The following NRDE2 variants were observed in gnomAD, a reference collection of about 807,000 sequenced individuals.
The protein encoded by NRDE2 is nuclear exosome regulator NRDE2.
A neutral mutation model predicts 124.2 loss-of-function variants in NRDE2; 76 were observed. The ratio of observed to expected loss-of-function variants is 0.61; its 90% CI spans 0.51 to 0.74. The LOEUF (loss-of-function observed/expected upper bound fraction) is 0.74, where lower values mean the gene tolerates loss of function less well. NRDE2 is among the 30% of genes least tolerant of loss of function. NRDE2 has a pLI of 0.00. For missense variants in NRDE2, 1,314 were observed against 1,417.3 expected, an observed-to-expected ratio of 0.93 and a Z score of 1.17; for synonymous variants, 489 against 528.1, an observed-to-expected ratio of 0.93 and a Z score of 1.01.
rs778465509 is a variant in NRDE2 at position 90,298,286 on chromosome 14, C to T, written c.1640G>A (p.Arg547Gln). Reference sequence around the variant, plus strand: ...TGGGTTGATGACCACCCAGCCACCTCGTTCCTGCTGGTGCATCCACGCCTT... The same window carrying T: ...TGGGTTGATGACCACCCAGCCACCTTGTTCCTGCTGGTGCATCCACGCCTT... ...GWKAWMHQQE[R>Q]GGWVVINPDE... Residue 547 changes from arginine (R) to glutamine (Q), a missense_variant, in exon 8 of 14, where the codon CGA becomes CAA. By Grantham distance (43) the Arg-to-Gln change is conservative. Transcript: ENST00000354366. 9.9e-6 allele frequency: 16 copies of T among 1,613,562 alleles called. No individual in the cohort carries two copies. Among genetic ancestry groups the T allele is most frequent in the African/African-American group, 1.3e-5 (1 of 74,930 alleles).
Position 90,288,425 on chromosome 14 carries a change from G to A in NRDE2, c.2950C>T (p.Arg984Ter), listed in dbSNP as rs772529398. The change falls in exon 11 of 14, where the codon CGA becomes TGA. Residue 984 changes from arginine to a stop codon, truncating the protein, a stop_gained. Transcript: ENST00000354366. LOFTEE classifies it high-confidence loss of function. ...TTTAAAGCCTGTGAGAGTGCCTCTC[G>A]CAGAGGGGCCAGCGGGTAAACACTC... is the stretch of plus-strand genomic sequence containing the variant. ...KVSVYPLAPL[R>*]EALSQALKLY... is the part of the protein sequence containing the mutation. 1.2e-6 allele frequency: 2 copies of A among 1,614,118 alleles called. No individual in the cohort carries two copies. Among genetic ancestry groups the A allele is most frequent in the East Asian group, 2.2e-5 (1 of 44,860 alleles).
Position 90,278,461 on chromosome 14 carries a change from C to T in NRDE2, c.3370G>A (p.Val1124Met). The part of the protein sequence containing the change: ...KALQNCPWAK[V>M]LYLDAVEYFP... Reference sequence around the variant, plus strand: ...TACTCCACGGCGTCCAGGTACAACACCTAGGGGGCAGGCAGGAAGGCCGCC... The same window carrying T: ...TACTCCACGGCGTCCAGGTACAACATCTAGGGGGCAGGCAGGAAGGCCGCC... Residue 1124 changes from valine to methionine, a missense_variant and splice_region_variant, in exon 14 of 14, where the codon GTG (valine) becomes ATG (methionine). Physicochemically the swap from Val to Met is conservative, Grantham distance 21. Transcript: ENST00000354366. 6.2e-7 allele frequency: 1 copy of T among 1,613,996 alleles called. No individual in the cohort carries two copies. The highest frequency in any genetic ancestry group is 8.5e-7 in the Non-Finnish European group (1 of 1,179,898).
At chr14:90,306,027 G>A (rs1884586845) in intron 4 of NRDE2, among the ~76,000 whole-genome samples, 3 of 152,206 alleles carry the variant, frequency 2.0e-5, no homozygotes, top group African/African-American at 7.2e-5. Context: ...TGGGCTGATG[G>A]ATGGACACAT....
intron 1 of NRDE2, among the ~76,000 whole-genome samples, chr14:90,322,814 C>T (rs888500254): frequency 4.6e-5 from 7 of 152,124 alleles, no homozygotes; most frequent in African/African-American, 1.7e-4. Context: ...TGAAAAGATG[C>T]TTTATTAATC....
intron 4 of NRDE2, among the ~76,000 whole-genome samples, chr14:90,310,179 T>C (rs753803706): frequency 2.6e-5 from 4 of 152,168 alleles, no homozygotes; most frequent in Non-Finnish European, 5.9e-5. Context: ...TGCTAGTAAA[T>C]GGCAAAGTCA....
chr14:90,325,459 G>T (rs1487962319), intron 1 of NRDE2, among the ~76,000 whole-genome samples: 1 of 152,162 alleles, frequency 6.6e-6, no homozygotes, highest in East Asian at 1.9e-4. Context: ...CTGAAAGAAT[G>T]AATTTTACTA....
At chr14:90,321,075 G>A (rs934465834) in intron 1 of NRDE2, among the ~76,000 whole-genome samples, 8 of 152,030 alleles carry the variant, frequency 5.3e-5, no homozygotes, top group African/African-American at 1.9e-4. Context: ...GAAAAAGATG[G>A]AACAAACAGT....
chr14:90,326,500 CAAAAAAAAA>C (rs10684490), intron 1 of NRDE2, among the ~76,000 whole-genome samples: 1 of 78,840 alleles, frequency 1.3e-5, no homozygotes, highest in African/African-American at 4.9e-5. Flanking sequence ...GACTCTGTCT[CAAAAAAAAA>C]AAAAAAAAAG....
At chr14:90,316,473 G>C in intron 3 of NRDE2, 105 bp downstream of exon 3, 3 of 784,898 alleles carry the variant, frequency 3.8e-6, no homozygotes, top group Admixed American at 2.4e-5. Flanking sequence ...GCTCTCTTCC[G>C]ACTGAGTGAC....
At position 90,268,158 on chromosome 14, in the gene NRDE2, C is replaced by A; in HGVS notation, c.*10178G>T. On this transcript the variant is annotated 3_prime_UTR_variant, in exon 14 of 14. Transcript: ENST00000354366. ...GTGTCCATTTAAGGTGGTAATGATACGAGTTTTTAAGTTAAAATGGCACTT... is the reference window on the plus strand; with the variant it reads ...GTGTCCATTTAAGGTGGTAATGATAAGAGTTTTTAAGTTAAAATGGCACTT... 3 of 1,335,670 alleles carry A rather than the reference C, an allele frequency of 2.2e-6. No individual in the cohort carries two copies. Among genetic ancestry groups the A allele is most frequent in the South Asian group, 1.5e-5 (1 of 67,204 alleles). The allele number at this position is 1,335,670 out of a possible 1,614,324, so 82.7% of individuals were successfully genotyped here. A position where few individuals can be genotyped will look rare whatever the true frequency, so the allele number is the denominator to read the frequency against.
chr14:90,301,372 GC>G lies in NRDE2; in HGVS notation c.1412-1del. On this transcript the variant is annotated splice_acceptor_variant, in intron 6 of 13. Coordinates refer to ENST00000354366, the MANE Select transcript of NRDE2 (RefSeq NM_017970.4). LOFTEE classifies it high-confidence loss of function. ...AAAGTGGCACTGCTGAAGAAAGAGT[GC>G]TGCGAACAGGAGGGCAAAGGGGAAG... 1.2e-6 allele frequency: 2 copies of G among 1,613,762 alleles called. No individual in the cohort carries two copies. Among genetic ancestry groups the G allele is most frequent in the Non-Finnish European group, 1.7e-6 (2 of 1,179,846 alleles).
intron 1 of NRDE2, among the ~76,000 whole-genome samples, chr14:90,326,156 C>A (rs1885424537): frequency 6.6e-6 from 1 of 151,820 alleles, no homozygotes; most frequent in South Asian, 2.1e-4. Context: ...GAGTGTAGAG[C>A]GATCTCCAGG....
intron 1 of NRDE2, among the ~76,000 whole-genome samples, chr14:90,324,971 T>C (rs1385714838): frequency 6.6e-6 from 1 of 152,050 alleles, no homozygotes; most frequent in Non-Finnish European, 1.5e-5. Context: ...GCGGGGACGC[T>C]ATTTTAGGAG....
At chr14:90,304,563 C>A in intron 4 of NRDE2, 181 bp from the exon 5 acceptor site, 1 of 560,352 alleles carries the variant, frequency 1.8e-6, no homozygotes, top group South Asian at 2.6e-5. Context: ...TTTCTTTCTG[C>A]CTGGCTTGAC....
intron 4 of NRDE2, among the ~76,000 whole-genome samples, chr14:90,308,465 T>C (rs1884699389): frequency 6.6e-6 from 1 of 151,960 alleles, no homozygotes; most frequent in South Asian, 2.1e-4. Flanking sequence ...ACACAAAACA[T>C]TGCCAATCCA....
In NRDE2 at chr14:90,316,590, G is replaced by C; in HGVS notation, c.395C>G (p.Ser132Cys). The C allele has an allele frequency of 6.2e-7, 1 of 1,610,682 alleles. No individual in the cohort carries two copies. ...SRGVGGSKKE[S>C]EEPNQGNNAA... Reference sequence around the variant, plus strand: ...AACAGCAACCTACTTCGGTTCCTCAGATTCCTTTTTACTGCCTCCAACGCC... The same window carrying C: ...AACAGCAACCTACTTCGGTTCCTCACATTCCTTTTTACTGCCTCCAACGCC... The change falls in exon 3 of 14, where the codon TCT (serine) becomes TGT (cysteine). Residue 132 changes from serine (S) to cysteine (C), a missense_variant. Physicochemically the swap from Ser to Cys is moderately radical, Grantham distance 112 (BLOSUM62 -1). Coordinates refer to ENST00000354366, the MANE Select transcript of NRDE2 (RefSeq NM_017970.4).
chr14:90,312,649 A>T (rs750167492), intron 3 of NRDE2, 106 bp from the exon 4 acceptor site: 1 of 1,056,394 alleles, frequency 9.5e-7, no homozygotes, highest in Non-Finnish European at 1.4e-6. Flanking sequence ...CAAACTCCAC[A>T]TGGCATCAAA....
At chr14:90,317,241 T>C (rs1453892159) in intron 2 of NRDE2, among the ~76,000 whole-genome samples, 2 of 152,048 alleles carry the variant, frequency 1.3e-5, no homozygotes, top group Non-Finnish European at 2.9e-5. Context: ...TAGCAAGACC[T>C]CATCTTTATT....
chr14:90,278,298 C>T lies in NRDE2; in HGVS notation c.*38G>A. 6.2e-7 allele frequency: 1 copy of T among 1,613,272 alleles called. No homozygotes were observed. Among genetic ancestry groups the T allele is most frequent in the East Asian group, 2.2e-5 (1 of 44,852 alleles). ...CCTCCTAGCTCCGCAGGGTGGGCAA[C>T]TTGGCCTCGCAGGCACAGCCCGTTT... On this transcript the variant is annotated 3_prime_UTR_variant, in exon 14 of 14. Transcript: ENST00000354366.
Sources: allele counts gnomAD v4.1 joint callset (sites outside exome capture counted in the v4.1 genomes callset), GRCh38; gene constraint gnomAD v4.1.1; transcripts MANE v1.5; gene names NCBI Gene and HGNC (gene_info 2026-07-23, HGNC 2026-07-21).